OCA2: variants seen among roughly 807,000 people sequenced by gnomAD.
The protein encoded by OCA2 is P protein.
In OCA2, 77 loss-of-function variants were observed where a neutral mutation model predicts 100.2. The ratio of observed to expected loss-of-function variants is 0.77; its 90% confidence interval spans 0.64 to 0.93. The LOEUF (loss-of-function observed/expected upper bound fraction) is 0.93. OCA2 is among the 40% of genes least tolerant of loss of function. The pLI is 0.00. For missense variants in OCA2, 1,062 were observed against 1,089.1 expected (o/e 0.98, Z 0.35); for synonymous variants, 432 against 439.2 (o/e 0.98, Z 0.21).
At chr15:28,019,003 T>C (rs1475361603) in intron 6 of OCA2, among the ~76,000 whole-genome samples, 2 of 152,196 alleles carry the variant, frequency 1.3e-5, no homozygotes, top group East Asian at 1.9e-4. Context: ...GCAACGCTTA[T>C]ATGAAATACA....
At chr15:27,756,616 AAC>A (rs927743081) in intron 23 of OCA2, among the ~76,000 whole-genome samples, 1 of 152,192 alleles carries the variant, frequency 6.6e-6, no homozygotes, top group African/African-American at 2.4e-5. Flanking sequence ...GTTCTGGAAA[AAC>A]ACAACCCACG....
chr15:28,042,503 G>A (rs1314310429), intron 2 of OCA2, among the ~76,000 whole-genome samples: 1 of 151,248 alleles, frequency 6.6e-6, no homozygotes, highest in Non-Finnish European at 1.5e-5. Flanking sequence ...AGCTGGGCGT[G>A]GTGATACACA....
chr15:27,910,787 A>G (rs1487912018), intron 19 of OCA2, among the ~76,000 whole-genome samples: 1 of 151,824 alleles, frequency 6.6e-6, no homozygotes, highest in African/African-American at 2.4e-5. Context: ...GAAACCCCGC[A>G]TCTACTAAAA....
chr15:28,091,336 C>A (rs562872706), intron 1 of OCA2, among the ~76,000 whole-genome samples: 65 of 152,058 alleles, frequency 4.3e-4, no homozygotes, highest in African/African-American at 1.5e-3. Flanking sequence ...ACAATATTAC[C>A]CTGATACCAA....
chr15:27,896,465 G>GA, intron 19 of OCA2: 2 of 614,596 alleles, frequency 3.3e-6, no homozygotes, highest in Non-Finnish European at 5.9e-6. Context: ...AGAAGCCCAA[G>GA]AAAAAAGTTA....
chr15:28,002,912 T>C (rs1011300427), intron 9 of OCA2, among the ~76,000 whole-genome samples: 6 of 152,212 alleles, frequency 3.9e-5, no homozygotes, highest in Non-Finnish European at 8.8e-5. Context: ...TGCCCACAAA[T>C]ACTGAGCTGA....
chr15:27,989,292 A>C (rs1234053123), intron 11 of OCA2, among the ~76,000 whole-genome samples: 2 of 149,978 alleles, frequency 1.3e-5, no homozygotes, highest in African/African-American at 2.4e-5. Flanking sequence ...AAACTCCTAC[A>C]TGGTTTATTT....
intron 18 of OCA2, among the ~76,000 whole-genome samples, chr15:27,942,911 A>C (rs1450808415): frequency 6.6e-6 from 1 of 152,194 alleles, no homozygotes; most frequent in Non-Finnish European, 1.5e-5. Context: ...ATTTACATTC[A>C]TCTAAGATGA....
At chr15:27,816,494 G>A (rs1470340680) in intron 23 of OCA2, among the ~76,000 whole-genome samples, 4 of 152,162 alleles carry the variant, frequency 2.6e-5, no homozygotes, top group Non-Finnish European at 5.9e-5. Flanking sequence ...TGTCCCATTC[G>A]TAAGTATGGG....
chr15:28,016,458 A>C (rs1174450881), intron 7 of OCA2, among the ~76,000 whole-genome samples: 2 of 152,260 alleles, frequency 1.3e-5, no homozygotes, highest in African/African-American at 4.8e-5. Context: ...CAAAAGGCAT[A>C]GAAGTAAATA....
At chr15:27,778,017 T>C (rs2032334056) in intron 23 of OCA2, among the ~76,000 whole-genome samples, 1 of 152,198 alleles carries the variant, frequency 6.6e-6, no homozygotes, top group African/African-American at 2.4e-5. Context: ...TGAGGCATAT[T>C]AGAGTGGCCT....
the OCA2 span, among the ~76,000 whole-genome samples, chr15:27,746,426 A>G: frequency 6.6e-6 from 1 of 152,116 alleles, no homozygotes; most frequent in Non-Finnish European, 1.5e-5. Context: ...GTGCCGCTGC[A>G]CTCCAGCCTG....
At chr15:28,063,598 TGAGAGG>T (rs2043939175) in intron 2 of OCA2, among the ~76,000 whole-genome samples, 1 of 152,150 alleles carries the variant, frequency 6.6e-6, no homozygotes, top group Non-Finnish European at 1.5e-5. Flanking sequence ...TTGTGATTGC[TGAGAGG>T]ATTACAATTA....
At chr15:28,021,073 T>A (rs1490689115) in intron 6 of OCA2, among the ~76,000 whole-genome samples, 3 of 152,170 alleles carry the variant, frequency 2.0e-5, no homozygotes, top group Admixed American at 6.5e-5. Flanking sequence ...GTAAGTAGAC[T>A]AAAGAAAAAA....
chr15:28,019,070 T>A (rs928579271), intron 6 of OCA2, among the ~76,000 whole-genome samples: 7 of 152,042 alleles, frequency 4.6e-5, no homozygotes, highest in Non-Finnish European at 1.0e-4. Context: ...AGGGCCCTGG[T>A]TGGAGAAGCT....
intron 2 of OCA2, among the ~76,000 whole-genome samples, chr15:28,034,094 G>A (rs2042982755): frequency 6.6e-6 from 1 of 152,034 alleles, no homozygotes; most frequent in South Asian, 2.1e-4. Context: ...GACAAGCCTG[G>A]GCAACATAGC....
chr15:27,773,906 A>G (rs919158899), intron 23 of OCA2, among the ~76,000 whole-genome samples: 2 of 152,208 alleles, frequency 1.3e-5, no homozygotes, highest in African/African-American at 4.8e-5. Context: ...TGTAGAAATG[A>G]TATCTGTCTT....
chr15:27,747,962 A>G, the OCA2 span, among the ~76,000 whole-genome samples: 6 of 152,152 alleles, frequency 3.9e-5, no homozygotes, highest in Non-Finnish European at 7.4e-5. Context: ...CCAGGGTAGG[A>G]GGAAAAATAT....
the OCA2 span, among the ~76,000 whole-genome samples, chr15:27,720,190 A>G: frequency 1.3e-5 from 2 of 152,124 alleles, no homozygotes; most frequent in East Asian, 1.9e-4. Context: ...CCTCCTTTGT[A>G]ATAGTCTGAA....
Sources: gnomAD v4.1 joint callset for allele counts (sites outside exome capture counted in the v4.1 genomes callset) on GRCh38, gnomAD v4.1.1 for gene constraint, MANE v1.5 for transcripts, NCBI Gene and HGNC (gene_info 2026-07-23, HGNC 2026-07-21) for gene names.